The following PNLIPRP1 variants were observed in gnomAD, a reference collection of about 807,000 sequenced individuals.
PNLIPRP1 encodes inactive pancreatic lipase-related protein 1.
A neutral mutation model predicts 54.6 loss-of-function variants in PNLIPRP1; 57 were observed. The ratio of observed to expected loss-of-function variants is 1.04; its 90% CI spans 0.84 to 1.30. The LOEUF is 1.30. Among genes scored for constraint, PNLIPRP1 ranks in the 50% most tolerant of loss-of-function variants. PNLIPRP1 has a pLI of 0.00. For synonymous variants in PNLIPRP1, 232 were observed against 208.8 expected (o/e 1.11, Z -0.96); for missense variants, 567 against 568.5 (o/e 1.00, Z 0.03).
chr10:116,594,818 T>G lies in PNLIPRP1; in HGVS notation c.419T>G (p.Val140Gly), dbSNP rs1847706481. 6.2e-7 allele frequency: 1 copy of G among 1,613,934 alleles called. No individual in the cohort carries two copies. Among genetic ancestry groups the G allele is most frequent in the Non-Finnish European group, 8.5e-7 (1 of 1,180,022 alleles). The change falls in exon 5 of 13, where the codon GTG (valine) becomes GGG (glycine). Residue 140 changes from valine (V) to glycine (G), a missense_variant. By Grantham distance (109) the Val-to-Gly change is moderately radical (BLOSUM62 -3). Coordinates refer to ENST00000358834, the MANE Select transcript of PNLIPRP1 (RefSeq NM_006229.4). The stretch of plus-strand genomic sequence containing the variant: ...ACCTACACACAGGCTGCCAACAACG[T>G]GCGAGTGGTGGGCGCCCAGGTGGCC... ...QATYTQAANNVRVVGAQVAQM... is the reference protein window; with the variant it reads ...QATYTQAANNGRVVGAQVAQM...
chr10:116,600,971 G>C, intron 9 of PNLIPRP1, 101 bp from the exon 10 acceptor site: 1 of 1,069,136 alleles, frequency 9.4e-7, no homozygotes, highest in East Asian at 2.5e-5. Context: ...TCACAAAGGA[G>C]AACGCTTAGG....
At position 116,598,120 on chromosome 10, in the gene PNLIPRP1, G is replaced by A. The variant is rs782386442; in HGVS notation, c.768G>A (p.Lys256=). 3 of 1,614,180 alleles carry A rather than the reference G, an allele frequency of 1.9e-6. No homozygotes were observed. The highest frequency in any genetic ancestry group is 3.3e-5 in the Admixed American group (2 of 60,030). ...GAGGAGAGAGCATGCCGGGATGCAA[G>A]AAGAATGCCCTGTCTCAGATCGTGG... is the stretch of plus-strand genomic sequence containing the variant. The part of the protein sequence containing the change: ...PNGGESMPGC[K]KNALSQIVDL... Residue 256 remains lysine (K), a synonymous_variant, in exon 8 of 13, where the codon AAG becomes AAA. Transcript: ENST00000358834.
intron 6 of PNLIPRP1, among the ~76,000 whole-genome samples, chr10:116,596,904 T>C (rs1173358261): frequency 2.0e-5 from 3 of 152,188 alleles, no homozygotes; most frequent in African/African-American, 4.8e-5. Flanking sequence ...ATGATAAGCA[T>C]AGATTAAGTG....
intron 4 of PNLIPRP1, among the ~76,000 whole-genome samples, chr10:116,593,508 C>T (rs1847678822): frequency 6.6e-6 from 1 of 152,172 alleles, no homozygotes; most frequent in South Asian, 2.1e-4. Context: ...AAATTACAAA[C>T]CCAGAAAATT....
chr10:116,601,296 A>G, intron 10 of PNLIPRP1, 95 bp downstream of exon 10: 1 of 1,164,732 alleles, frequency 8.6e-7, no homozygotes. Flanking sequence ...ATTTGTGGGT[A>G]CATTTTAATT....
In PNLIPRP1 at chr10:116,605,463, A is replaced by C; in HGVS notation, c.1250A>C (p.Lys417Thr). ...GATGTTGGAACAATTGAGAAAGTCAAGTTTCTTTGGAATAACAATGTGATA... is the reference window on the plus strand; with the variant it reads ...GATGTTGGAACAATTGAGAAAGTCACGTTTCTTTGGAATAACAATGTGATA... ...KLDVGTIEKV[K>T]FLWNNNVINP... Residue 417 changes from lysine to threonine, a missense_variant, in exon 12 of 13, where the codon AAG becomes ACG. Coordinates refer to ENST00000358834, the MANE Select transcript of PNLIPRP1 (RefSeq NM_006229.4). 1 of 1,612,204 alleles carries C rather than the reference A, an allele frequency of 6.2e-7. No homozygotes were observed. The highest frequency in any genetic ancestry group is 8.5e-7 in the Non-Finnish European group (1 of 1,178,446).
At chr10:116,606,104 C>A (rs1418706406) in intron 12 of PNLIPRP1, among the ~76,000 whole-genome samples, 6 of 152,120 alleles carry the variant, frequency 3.9e-5, no homozygotes, top group Non-Finnish European at 5.9e-5. Flanking sequence ...CCTGAGAGGG[C>A]AGAGCGACTG....
chr10:116,591,082 G>A (rs782806357), intron 1 of PNLIPRP1, 48 bp from the exon 2 acceptor site: 16 of 1,516,830 alleles, frequency 1.1e-5, no homozygotes, highest in African/African-American at 1.4e-5. Flanking sequence ...GGTGCTCACT[G>A]CTCTGGCAAT....
intron 8 of PNLIPRP1, among the ~76,000 whole-genome samples, chr10:116,599,038 T>C (rs1197615817): frequency 2.6e-5 from 4 of 152,078 alleles, no homozygotes; most frequent in African/African-American, 9.7e-5. Flanking sequence ...GCAAATCACT[T>C]GAGGTCAGGA....
chr10:116,601,624 T>G (rs1554864797), intron 10 of PNLIPRP1, among the ~76,000 whole-genome samples: 15 of 152,292 alleles, frequency 9.8e-5, no homozygotes, highest in Non-Finnish European at 8.8e-5. Context: ...TTCTCTGCTT[T>G]CCCCTCTGTC....
chr10:116,592,029 C>T (rs1847648567), intron 3 of PNLIPRP1, 104 bp downstream of exon 3: 2 of 1,242,316 alleles, frequency 1.6e-6, no homozygotes, highest in African/African-American at 1.5e-5. Flanking sequence ...CCACCATGCC[C>T]CACCCCATCC....
At chr10:116,595,930 G>T (rs1847727284) in intron 5 of PNLIPRP1, 2 of 296,742 alleles carry the variant, frequency 6.7e-6, no homozygotes, top group African/African-American at 4.3e-5. Flanking sequence ...GCAAGTGCTT[G>T]GGGGATAGAC....
At chr10:116,599,355 G>C (rs989702972) in intron 8 of PNLIPRP1, among the ~76,000 whole-genome samples, 1 of 151,844 alleles carries the variant, frequency 6.6e-6, no homozygotes, top group South Asian at 2.1e-4. Context: ...GAGGGTTTGC[G>C]TGCATAGGGC....
intron 4 of PNLIPRP1, chr10:116,593,956 A>G (rs1847687643): frequency 1.4e-4 from 1 of 7,228 alleles, no homozygotes. Context: ...GGCTGTCTCA[A>G]AAAAAAAAAA....
intron 10 of PNLIPRP1, among the ~76,000 whole-genome samples, chr10:116,601,488 A>T (rs541972185): frequency 4.0e-5 from 6 of 151,844 alleles, no homozygotes; most frequent in Non-Finnish European, 8.8e-5. Context: ...AATTTTTACC[A>T]CTCCACAGTT....
At chr10:116,595,040 G>A (rs1391713662) in intron 5 of PNLIPRP1, 176 bp downstream of exon 5, 8 of 695,414 alleles carry the variant, frequency 1.2e-5, no homozygotes, top group Non-Finnish European at 1.9e-5. Context: ...GCAAAAATAA[G>A]AATCGCTAAC....
intron 8 of PNLIPRP1, among the ~76,000 whole-genome samples, chr10:116,599,427 T>C (rs1166732058): frequency 1.3e-5 from 2 of 152,174 alleles, no homozygotes; most frequent in African/African-American, 4.8e-5. Context: ...AGGTATAATG[T>C]AACATTTGTC....
intron 12 of PNLIPRP1, among the ~76,000 whole-genome samples, chr10:116,605,881 T>C (rs1554865529): frequency 6.6e-6 from 1 of 152,220 alleles, no homozygotes; most frequent in Admixed American, 6.5e-5. Context: ...ATAGCTATAC[T>C]TGAAAGAGGA....
intron 7 of PNLIPRP1, 43 bp from the exon 8 acceptor site, chr10:116,598,004 G>A (rs2133233192): frequency 1.2e-6 from 2 of 1,614,070 alleles, no homozygotes; most frequent in Non-Finnish European, 1.7e-6. Flanking sequence ...AACCATGAAA[G>A]TCCTGCATGA....
Sources: allele counts gnomAD v4.1 joint callset (sites outside exome capture counted in the v4.1 genomes callset), GRCh38; gene constraint gnomAD v4.1.1; transcripts MANE v1.5; gene names NCBI Gene and HGNC (gene_info 2026-07-23, HGNC 2026-07-21).